MLIP: variants seen among roughly 807,000 people sequenced by gnomAD.
MLIP encodes muscular LMNA-interacting protein.
A neutral mutation model predicts 84.8 loss-of-function variants in MLIP; 79 were observed. The ratio of observed to expected loss-of-function variants is 0.93; its 90% CI spans 0.78 to 1.12. The LOEUF (loss-of-function observed/expected upper bound fraction) is 1.12. MLIP is among the 50% of genes most tolerant of loss of function. The probability of loss-of-function intolerance (pLI) is 0.00; values close to 1 mark genes in which losing one functional copy is unlikely to be tolerated. For synonymous variants in MLIP, 504 were observed against 463.0 expected, an observed-to-expected ratio of 1.09 and a Z score of -1.14; for missense variants, 1,257 against 1,160.6, an observed-to-expected ratio of 1.08 and a Z score of -1.21.
chr6:54,257,597 A>C (rs1783095549), intron 13 of MLIP, among the ~76,000 whole-genome samples: 1 of 152,112 alleles, frequency 6.6e-6, no homozygotes, highest in Admixed American at 6.6e-5. Context: ...CCTGGACCAC[A>C]AACCAACTCC....
At chr6:54,043,869 A>G (rs1440896130) in intron 1 of MLIP, among the ~76,000 whole-genome samples, 2 of 152,158 alleles carry the variant, frequency 1.3e-5, no homozygotes, top group Non-Finnish European at 2.9e-5. Context: ...TGTGGAATGG[A>G]TGAGAATGAG....
intron 3 of MLIP, among the ~76,000 whole-genome samples, chr6:54,128,823 T>C (rs72961903): frequency 0.014 from 2,058 of 152,248 alleles, 23 homozygotes; most frequent in Middle Eastern, 0.02. Context: ...CTTGTGAAGA[T>C]TAAATGAGAT....
At chr6:54,153,451 A>G (rs563445070) in intron 5 of MLIP, among the ~76,000 whole-genome samples, 2 of 152,194 alleles carry the variant, frequency 1.3e-5, no homozygotes, top group South Asian at 4.2e-4. Flanking sequence ...ACAGGTACAC[A>G]ACACCACACC....
At chr6:54,248,774 T>C (rs1782256570) in intron 12 of MLIP, among the ~76,000 whole-genome samples, 1 of 152,110 alleles carries the variant, frequency 6.6e-6, no homozygotes, top group African/African-American at 2.4e-5. Flanking sequence ...AAAATTCCTA[T>C]GTTTTCTTAT....
chr6:54,185,724 G>C (rs1416123418), intron 9 of MLIP, among the ~76,000 whole-genome samples: 2 of 151,788 alleles, frequency 1.3e-5, no homozygotes, highest in Non-Finnish European at 2.9e-5. Context: ...TTTCACAGAA[G>C]CTATTCATTT....
chr6:54,188,684 A>G (rs1471258120), intron 9 of MLIP, among the ~76,000 whole-genome samples: 1 of 152,166 alleles, frequency 6.6e-6, no homozygotes. Context: ...ATCAATAACT[A>G]GAGCTTAGAT....
chr6:54,051,922 G>A (rs1765397554), intron 1 of MLIP, among the ~76,000 whole-genome samples: 2 of 152,036 alleles, frequency 1.3e-5, no homozygotes, highest in African/African-American at 4.8e-5. Context: ...TTTAAAAATG[G>A]GAATTTATTG....
intron 1 of MLIP, among the ~76,000 whole-genome samples, chr6:54,041,816 G>A (rs182419257): frequency 6.6e-6 from 1 of 151,926 alleles, no homozygotes; most frequent in Non-Finnish European, 1.5e-5. Context: ...CCCACAATTG[G>A]CATTTTGGCT....
intron 5 of MLIP, among the ~76,000 whole-genome samples, chr6:54,157,696 T>G (rs1053315774): frequency 6.6e-6 from 1 of 152,032 alleles, no homozygotes; most frequent in Non-Finnish European, 1.5e-5. Context: ...TCTCCCCCTT[T>G]AACAAGGTGA....
intron 12 of MLIP, among the ~76,000 whole-genome samples, chr6:54,255,202 C>T (rs1167376006): frequency 6.6e-6 from 1 of 152,164 alleles, no homozygotes; most frequent in Non-Finnish European, 1.5e-5. Flanking sequence ...ATTGCCACCT[C>T]ATACTTGCTT....
intron 4 of MLIP, among the ~76,000 whole-genome samples, chr6:54,141,126 T>A (rs1268957593): frequency 1.3e-5 from 2 of 152,204 alleles, no homozygotes; most frequent in Non-Finnish European, 2.9e-5. Context: ...TATGCTGAGC[T>A]AAATTCAGAT....
At chr6:54,183,878 AAAGT>A (rs1777139478) in intron 9 of MLIP, among the ~76,000 whole-genome samples, 1 of 151,274 alleles carries the variant, frequency 6.6e-6, no homozygotes, top group Non-Finnish European at 1.5e-5. Context: ...TAAGCAGTTC[AAAGT>A]AAGGAAGGCA....
At chr6:54,215,180 C>T (rs761380886) in intron 11 of MLIP, 236 of 1,535,378 alleles carry the variant, frequency 1.5e-4, no homozygotes, top group Non-Finnish European at 1.9e-4. Context: ...GGAAGTGACA[C>T]GTCTGGTCCT....
intron 11 of MLIP, among the ~76,000 whole-genome samples, chr6:54,226,953 C>T (rs149030759): frequency 1.3e-5 from 2 of 152,086 alleles, no homozygotes; most frequent in Non-Finnish European, 2.9e-5. Context: ...GAGAATGATA[C>T]GGTTTGGCCC....
chr6:54,087,372 T>G (rs1021951126), intron 1 of MLIP, among the ~76,000 whole-genome samples: 1 of 152,184 alleles, frequency 6.6e-6, no homozygotes, highest in Non-Finnish European at 1.5e-5. Context: ...CTTTATCTAT[T>G]AATGAGTCCA....
chr6:54,185,548 T>A (rs1777309141), intron 9 of MLIP, among the ~76,000 whole-genome samples: 1 of 152,214 alleles, frequency 6.6e-6, no homozygotes, highest in Non-Finnish European at 1.5e-5. Context: ...TTTCTCTCTT[T>A]TCCCCATGAT....
At chr6:54,175,991 G>T (rs1776244381) in intron 9 of MLIP, among the ~76,000 whole-genome samples, 1 of 151,734 alleles carries the variant, frequency 6.6e-6, no homozygotes. Flanking sequence ...ATGATGATAT[G>T]GTTTTTGTCA....
intron 12 of MLIP, among the ~76,000 whole-genome samples, chr6:54,235,769 A>G (rs1218976890): frequency 1.3e-5 from 2 of 152,270 alleles, no homozygotes; most frequent in East Asian, 3.9e-4. Context: ...TGAAGGCTAT[A>G]TCCAGTTTCC....
chr6:54,180,938 T>C (rs910276087), intron 9 of MLIP, among the ~76,000 whole-genome samples: 1 of 152,172 alleles, frequency 6.6e-6, no homozygotes, highest in Non-Finnish European at 1.5e-5. Context: ...GAGTTAGGTA[T>C]TTTTTGTAGT....
Sources: allele counts gnomAD v4.1 joint callset (sites outside exome capture counted in the v4.1 genomes callset), GRCh38; gene constraint gnomAD v4.1.1; transcripts MANE v1.5; gene names NCBI Gene and HGNC (gene_info 2026-07-23, HGNC 2026-07-21).